Variants in THADA observed in about 807,000 individuals in gnomAD.
THADA encodes the protein tRNA (32-2'-O)-methyltransferase regulator THADA.
Under a neutral mutation model 219.8 loss-of-function variants are expected in THADA, and 213 were observed. The observed-to-expected ratio is 0.97, with a 90% confidence interval of 0.87 to 1.09. The LOEUF is 1.09. Among genes scored for constraint, THADA ranks in the 50% least tolerant of loss-of-function variants. The pLI is 0.00. For missense variants in THADA, 2,956 were observed against 2,311.3 expected, an observed-to-expected ratio of 1.28 and a Z score of -5.72; for synonymous variants, 1,018 against 828.9, an observed-to-expected ratio of 1.23 and a Z score of -3.92.
chr2:43,575,131 C>T, intron 10 of THADA, 104 bp from the exon 11 acceptor site: 4 of 856,218 alleles, frequency 4.7e-6, no homozygotes, highest in Non-Finnish European at 6.9e-6. Flanking sequence ...ACAGAATGAC[C>T]ACAAATTTCA....
At chr2:43,562,341 T>C (rs1698167748) in intron 15 of THADA, 1 of 152,214 alleles carries the variant, frequency 6.6e-6, no homozygotes, top group Non-Finnish European at 1.5e-5. Flanking sequence ...GCCTCCTGGG[T>C]TCAGGCAATT....
At chr2:43,323,744 A>AACCAACCC (rs1474342707) in intron 30 of THADA, among the ~76,000 whole-genome samples, 111 of 152,264 alleles carry the variant, frequency 7.3e-4, no homozygotes, top group African/African-American at 2.6e-3. Context: ...CCAACCAACC[A>AACCAACCC]ACCAACCCAC....
At chr2:43,342,379 T>C (rs533515450) in intron 30 of THADA, among the ~76,000 whole-genome samples, 1 of 152,372 alleles carries the variant, frequency 6.6e-6, no homozygotes, top group African/African-American at 2.4e-5. Flanking sequence ...AATCCACCGC[T>C]GGCTCCTTCA....
chr2:43,284,167 G>A (rs896096646), intron 35 of THADA, among the ~76,000 whole-genome samples: 1 of 152,050 alleles, frequency 6.6e-6, no homozygotes, highest in Non-Finnish European at 1.5e-5. Context: ...AAACAAGAGT[G>A]AAACTCCATC....
intron 21 of THADA, among the ~76,000 whole-genome samples, chr2:43,532,267 G>C (rs2103756385): frequency 6.6e-6 from 1 of 151,776 alleles, no homozygotes; most frequent in East Asian, 1.9e-4. Context: ...CAAAATACTA[G>C]CCGGGAGTGG....
At chr2:43,526,694 T>C (rs759392545) in intron 22 of THADA, among the ~76,000 whole-genome samples, 16 of 152,216 alleles carry the variant, frequency 1.1e-4, no homozygotes, top group Admixed American at 2.0e-4. Flanking sequence ...CAGCCAGTGT[T>C]GGTTCTGACC....
At chr2:43,568,880 A>G (rs760475355) in intron 14 of THADA, among the ~76,000 whole-genome samples, 21 of 152,222 alleles carry the variant, frequency 1.4e-4, no homozygotes, top group Non-Finnish European at 2.6e-4. Context: ...CTACATCTAC[A>G]AAGAATTAAT....
intron 28 of THADA, among the ~76,000 whole-genome samples, chr2:43,411,938 T>C (rs1158884157): frequency 6.6e-6 from 1 of 152,158 alleles, no homozygotes. Flanking sequence ...TGTTTTAAGA[T>C]GGGAAACATG....
chr2:43,556,918 C>T lies in THADA; in HGVS notation c.2464-363G>A, dbSNP rs113223604. Among the ~76,000 whole-genome samples, 185 of 152,076 alleles carry T rather than the reference C, an allele frequency of 1.2e-3. No homozygotes were observed. In the Middle Eastern group the frequency reaches 0.014, roughly 11 times the overall value. ...AAAAACTTACTCTACAAAAACTCTACGAAAAACCTTAAAAATTAGCTGGGT... is the reference window on the plus strand; with the variant it reads ...AAAAACTTACTCTACAAAAACTCTATGAAAAACCTTAAAAATTAGCTGGGT... On this transcript the variant is annotated intron_variant, in intron 16 of 37. Coordinates refer to ENST00000405975, the MANE Select transcript of THADA (RefSeq NM_022065.5).
Position 43,497,584 on chromosome 2 carries a change from G to A in THADA, c.3744+1249C>T, listed in dbSNP as rs564442994. Among the ~76,000 whole-genome samples the A allele has an allele frequency of 6.6e-5, 10 of 152,216 alleles. No individual in the cohort carries two copies. The East Asian group carries it at 1.2e-3, about 18-fold the overall frequency. Reference sequence around the variant, plus strand: ...TCAGGACAAATAGCTAATGCATGCCGGGCTTAAAACCTAGATGACAGGCTG... The same window carrying A: ...TCAGGACAAATAGCTAATGCATGCCAGGCTTAAAACCTAGATGACAGGCTG... On this transcript the variant is annotated intron_variant, in intron 25 of 37. Coordinates refer to ENST00000405975, the MANE Select transcript of THADA (RefSeq NM_022065.5).
chr2:43,541,451 A>G, intron 20 of THADA, 135 bp from the exon 21 acceptor site: 1 of 998,978 alleles, frequency 1.0e-6, no homozygotes, highest in Non-Finnish European at 1.5e-6. Context: ...ATTTACTCAG[A>G]AGGAAAGAAG....
chr2:43,575,070 G>A (rs758778957), intron 10 of THADA, 43 bp from the exon 11 acceptor site: 3 of 1,359,580 alleles, frequency 2.2e-6, no homozygotes, highest in South Asian at 1.7e-5. Flanking sequence ...AAACTGATTA[G>A]TAAAAGAAAT....
intron 7 of THADA, among the ~76,000 whole-genome samples, chr2:43,585,573 T>A (rs1003195459): frequency 3.1e-4 from 43 of 138,436 alleles, no homozygotes; most frequent in Middle Eastern, 3.4e-3. Context: ...GATAGATAGA[T>A]AGATAGAAAG....
chr2:43,453,411 T>G (rs1178749418), intron 26 of THADA, among the ~76,000 whole-genome samples: 1 of 152,198 alleles, frequency 6.6e-6, no homozygotes, highest in Non-Finnish European at 1.5e-5. Flanking sequence ...TTGGTAGAGT[T>G]GTGAAAAGAA....
chr2:43,385,606 CAAAAAA>C (rs532857816), intron 29 of THADA, among the ~76,000 whole-genome samples: 1 of 49,930 alleles, frequency 2.0e-5, no homozygotes, highest in Non-Finnish European at 4.4e-5. Context: ...GACTCCGTCT[CAAAAAA>C]AAAAAAAAAA....
rs566405253 is a variant in THADA at position 43,249,708 on chromosome 2, GA to G, written c.5297-16827del. On this transcript the variant is annotated intron_variant, in intron 36 of 37. Transcript: ENST00000405975. ...ACAATTTCCTTCATTCTGGGTGGCT[GA>G]GTCCCTTTCTCTTAAGTTCTTCCTG... 5.3e-5 allele frequency among the ~76,000 whole-genome samples: 8 copies of G among 152,276 alleles called. No individual in the cohort carries two copies. The South Asian group carries it at 1.7e-3, about 32-fold the overall frequency.
rs538660249 is a variant in THADA, at chr2:43,433,871, T to C, written c.3837-3569A>G. ...TCTGGCTAATTTTTCATATTTTTAG[T>C]AGAGATGAGGTTTCACTATGTTGGC... On this transcript the variant is annotated intron_variant, in intron 26 of 37. Transcript: ENST00000405975. Among the ~76,000 whole-genome samples, 6 of 152,240 alleles carry C rather than the reference T, an allele frequency of 3.9e-5. No individual in the cohort carries two copies. The East Asian group carries it at 1.2e-3, about 30-fold the overall frequency.
At chr2:43,277,951 C>CTTTTT (rs761803232) in intron 36 of THADA, among the ~76,000 whole-genome samples, 22 of 134,438 alleles carry the variant, frequency 1.6e-4, no homozygotes, top group African/African-American at 5.9e-4. Context: ...CAATATTGTT[C>CTTTTT]TTTTTTTTTT....
In THADA at chr2:43,561,016, CAAAAA is replaced by C. The variant is rs3042329; in HGVS notation, c.2312-636_2312-632del. Among the ~76,000 whole-genome samples the C allele has an allele frequency of 5.7e-3, 525 of 92,322 alleles. 6 individuals carry two copies. Among genetic ancestry groups the C allele is most frequent in the African/African-American group, 0.017 (467 of 26,842 alleles). 60.6% of individuals were successfully genotyped at this position (92,322 alleles called of 152,430 possible). On this transcript the variant is annotated intron_variant, in intron 15 of 37. Transcript: ENST00000405975. ...TGCGCAACAGAGTGAGACTTGGTCT[CAAAAA>C]AAAAAAAAAAAAAAAAAGCAAAGTC...
Sources: gnomAD v4.1 joint callset for allele counts (sites outside exome capture counted in the v4.1 genomes callset) on GRCh38, gnomAD v4.1.1 for gene constraint, MANE v1.5 for transcripts, NCBI Gene and HGNC (gene_info 2026-07-23, HGNC 2026-07-21) for gene names.